Variants in CNNM2 observed in about 807,000 individuals in gnomAD.
CNNM2 encodes the protein cyclin and CBS domain divalent metal cation transport mediator 2.
CNNM2 carries 12 observed loss-of-function variants against 66.9 expected under a neutral mutation model. The observed-to-expected ratio is 0.18, with a 90% CI of 0.11 to 0.29. The LOEUF (loss-of-function observed/expected upper bound fraction) is 0.29. Ranked by LOEUF, CNNM2 falls within the 10% of genes least tolerant of loss-of-function variation. The pLI is 1.00. For synonymous variants in CNNM2, 557 were observed against 501.8 expected, an observed-to-expected ratio of 1.11 and a Z score of -1.47; for missense variants, 705 against 1,167.7, an observed-to-expected ratio of 0.60 and a Z score of 5.77.
chr10:102,950,981 CTTTTTTTT>C (rs34870588), intron 1 of CNNM2, among the ~76,000 whole-genome samples: 11 of 80,458 alleles, frequency 1.4e-4, no homozygotes, highest in Admixed American at 1.7e-4. Context: ...CTTTCTTTCT[CTTTTTTTT>C]TTTTTTTTTT....
chr10:102,955,489 A>G (rs1847000324), intron 1 of CNNM2, among the ~76,000 whole-genome samples: 1 of 152,354 alleles, frequency 6.6e-6, no homozygotes, highest in South Asian at 2.1e-4. Flanking sequence ...CTAAAACACC[A>G]AAAGCAATGG....
intron 1 of CNNM2, among the ~76,000 whole-genome samples, chr10:103,031,643 TGCATGCA>T (rs1405651081): frequency 1.3e-5 from 2 of 152,156 alleles, no homozygotes; most frequent in Admixed American, 6.6e-5. Flanking sequence ...TAGAAAGACT[TGCATGCA>T]GGGAAGTTTA....
At chr10:103,007,123 A>G (rs921696553) in intron 1 of CNNM2, among the ~76,000 whole-genome samples, 3 of 152,156 alleles carry the variant, frequency 2.0e-5, no homozygotes, top group Non-Finnish European at 4.4e-5. Flanking sequence ...TATCGGTAGG[A>G]CCGTGATGCC....
At chr10:102,955,207 C>T (rs1846990180) in intron 1 of CNNM2, among the ~76,000 whole-genome samples, 1 of 152,088 alleles carries the variant, frequency 6.6e-6, no homozygotes, top group Admixed American at 6.6e-5. Context: ...AGAACAGAGG[C>T]CTCAGAAATA....
In CNNM2 at chr10:103,087,218, C is replaced by A. The variant is rs539409343; in HGVS notation, c.*10038C>A. On this transcript the variant is annotated 3_prime_UTR_variant, in exon 8 of 8. Transcript: ENST00000369878. ...TAAGTTCAGCTTCCTTAACTACTGGCAACAGAGAGAAAACTCATAATTTGT... is the reference window on the plus strand; with the variant it reads ...TAAGTTCAGCTTCCTTAACTACTGGAAACAGAGAGAAAACTCATAATTTGT... 0.01 allele frequency: 1 copy of A among 100 alleles called. No individual in the cohort carries two copies. Among genetic ancestry groups the A allele is most frequent in the African/African-American group, 0.056 (1 of 18 alleles). 0.0% of individuals were successfully genotyped at this position (100 alleles called of 1,614,324 possible). A position where few individuals can be genotyped will look rare whatever the true frequency, so the allele number is the denominator to read the frequency against.
chr10:103,010,388 C>T lies in CNNM2; in HGVS notation c.1622-39319C>T, dbSNP rs536814849. Among the ~76,000 whole-genome samples, 319 of 152,144 alleles carry T rather than the reference C, an allele frequency of 2.1e-3. 4 individuals carry two copies. Among genetic ancestry groups the T allele is most frequent in the African/African-American group, 7.3e-3 (301 of 41,504 alleles). On this transcript the variant is annotated intron_variant, in intron 1 of 7. Transcript: ENST00000369878. ...AGATAGCTGGGACTACAGGCATGTG[C>T]CACCATGCCCGGCTAATTTTTTGTA...
At chr10:103,052,078 C>G (rs189808102) in intron 2 of CNNM2, among the ~76,000 whole-genome samples, 3 of 151,774 alleles carry the variant, frequency 2.0e-5, no homozygotes, top group Non-Finnish European at 4.4e-5. Context: ...AGATGGAGAA[C>G]ATCCTGGTCA....
At chr10:103,022,546 T>C (rs1185905801) in intron 1 of CNNM2, among the ~76,000 whole-genome samples, 1 of 152,182 alleles carries the variant, frequency 6.6e-6, no homozygotes, top group East Asian at 1.9e-4. Context: ...GGATCAGCCA[T>C]GGTAGGAATA....
chr10:103,031,749 C>T (rs879852821), intron 1 of CNNM2, among the ~76,000 whole-genome samples: 10 of 152,090 alleles, frequency 6.6e-5, no homozygotes, highest in Non-Finnish European at 1.3e-4. Flanking sequence ...CTGATAGCGC[C>T]TAGGCAGCAG....
chr10:102,967,127 T>A (rs749426904), intron 1 of CNNM2, among the ~76,000 whole-genome samples: 25 of 152,218 alleles, frequency 1.6e-4, no homozygotes, highest in Non-Finnish European at 3.2e-4. Flanking sequence ...TTTTAAAAAA[T>A]TTCTTTTAGA....
intron 1 of CNNM2, among the ~76,000 whole-genome samples, chr10:102,943,432 C>T (rs1274548256): frequency 1.2e-4 from 19 of 152,006 alleles, no homozygotes; most frequent in African/African-American, 4.8e-5. Context: ...CATAGCAAAA[C>T]CCCATCTCTA....
chr10:103,086,532 T>C lies in CNNM2; in HGVS notation c.*9352T>C, dbSNP rs1278933824. The C allele has an allele frequency of 1.3e-5, 2 of 152,166 alleles. No individual in the cohort carries two copies. The highest frequency in any genetic ancestry group is 2.4e-5 in the African/African-American group (1 of 41,440). 9.4% of individuals were successfully genotyped at this position (152,166 alleles called of 1,614,324 possible). ...AAATGACCAGGCAGCCTTGGAAAAA[T>C]TGCTGGGCTTTAAAGTTGTTGACAA... On this transcript the variant is annotated 3_prime_UTR_variant, in exon 8 of 8. Coordinates refer to ENST00000369878, the MANE Select transcript of CNNM2 (RefSeq NM_017649.5).
chr10:103,040,606 C>T (rs1165778505), intron 1 of CNNM2, among the ~76,000 whole-genome samples: 2 of 152,130 alleles, frequency 1.3e-5, no homozygotes, highest in South Asian at 4.1e-4. Context: ...CTAGACTTGG[C>T]AGGGGCTGAC....
chr10:103,049,949 A>C, intron 2 of CNNM2, 99 bp downstream of exon 2: 1 of 1,173,000 alleles, frequency 8.5e-7, no homozygotes, highest in Non-Finnish European at 1.2e-6. Flanking sequence ...GCCTCTGTTT[A>C]TAATGACACA....
chr10:103,077,127 T>G lies in CNNM2; in HGVS notation c.2575T>G (p.Cys859Gly). 1.9e-6 allele frequency: 3 copies of G among 1,613,930 alleles called. No homozygotes were observed. The highest frequency in any genetic ancestry group is 2.5e-6 in the Non-Finnish European group (3 of 1,179,888). The change falls in exon 8 of 8, where the codon TGT becomes GGT. Residue 859 changes from cysteine to glycine, a missense_variant. Transcript: ENST00000369878. ...ETANLLNEQN[C>G]VTHSKANHSL... ...AGCCAACCTGCTCAACGAACAGAAC[T>G]GTGTGACGCACAGTAAGGCCAACCA... is the stretch of plus-strand genomic sequence containing the variant.
In CNNM2 at chr10:103,085,595, G is replaced by C. The variant is rs1363269072; in HGVS notation, c.*8415G>C. 6.6e-6 allele frequency: 1 copy of C among 152,180 alleles called. No individual in the cohort carries two copies. The highest frequency in any genetic ancestry group is 1.5e-5 in the Non-Finnish European group (1 of 68,040). 9.4% of individuals were successfully genotyped at this position (152,180 alleles called of 1,614,324 possible). ...CTCCATGGGAGACCAGAACATCTGG[G>C]GACATAGTTGTACCTAGTTATTTTG... On this transcript the variant is annotated 3_prime_UTR_variant, in exon 8 of 8. Transcript: ENST00000369878.
In CNNM2 at chr10:102,977,925, G is replaced by A. The variant is rs12268849; in HGVS notation, c.1621+57824G>A. Among the ~76,000 whole-genome samples, 16,498 of 150,776 alleles carry A rather than the reference G, an allele frequency of 0.11. 904 individuals carry two copies. The highest frequency in any genetic ancestry group is 0.18 in the Middle Eastern group (52 of 294). On this transcript the variant is annotated intron_variant, in intron 1 of 7. Transcript: ENST00000369878. The stretch of plus-strand genomic sequence containing the variant: ...TGGGACCTATTTTGTTGTTGTTGTC[G>A]TCGAGACAGAGTCTTGCTCTGTTGC...
In CNNM2 at chr10:103,084,740, T is replaced by C. The variant is rs1271749093; in HGVS notation, c.*7560T>C. ...CCCGGGGTTTCTATTTCACAAAAAT[T>C]GTGCTCCCTAGAGCCGTTTTTCAAC... On this transcript the variant is annotated 3_prime_UTR_variant, in exon 8 of 8. Transcript: ENST00000369878. The C allele has an allele frequency of 6.6e-6, 1 of 152,212 alleles. No individual in the cohort carries two copies. Among genetic ancestry groups the C allele is most frequent in the East Asian group, 1.9e-4 (1 of 5,198 alleles). 9.4% of individuals were successfully genotyped at this position (152,212 alleles called of 1,614,324 possible).
intron 5 of CNNM2, among the ~76,000 whole-genome samples, chr10:103,069,733 C>T (rs547738404): frequency 3.9e-5 from 6 of 152,202 alleles, no homozygotes; most frequent in Non-Finnish European, 8.8e-5. Flanking sequence ...AGAGCGCACA[C>T]GCTTGCTATT....
Sources: gnomAD v4.1 joint callset for allele counts (sites outside exome capture counted in the v4.1 genomes callset) on GRCh38, gnomAD v4.1.1 for gene constraint, MANE v1.5 for transcripts, NCBI Gene and HGNC (gene_info 2026-07-23, HGNC 2026-07-21) for gene names.